IGF2BP2: variants seen among roughly 807,000 people sequenced by gnomAD.
The protein encoded by IGF2BP2 is insulin like growth factor 2 mRNA binding protein 2, also known as insulin-like growth factor 2 mRNA-binding protein 2.
In IGF2BP2, 17 loss-of-function variants were observed where a neutral mutation model predicts 75.8. That is an observed-to-expected ratio of 0.22 (90% CI 0.15 to 0.34). The LOEUF (loss-of-function observed/expected upper bound fraction) is 0.34. IGF2BP2 is among the 10% of genes least tolerant of loss of function. IGF2BP2 has a pLI of 1.00. For synonymous variants in IGF2BP2, 288 were observed against 295.6 expected (o/e 0.97, Z 0.26); for missense variants, 516 against 772.4 (o/e 0.67, Z 3.93).
At position 185,652,112 on chromosome 3, in the gene IGF2BP2, T is replaced by G; in HGVS notation, c.1443A>C (p.Pro481=). The change falls in exon 13 of 16, where the codon CCA becomes CCC. Residue 481 remains proline, a synonymous_variant. Transcript: ENST00000382199. ...VSERMVIITG[P]PEAQFKAQGR... ...CACTAACCTTGAACTGGGCTTCCGGTGGCCCGGTGATGATGACCATCCTTT... is the reference window on the plus strand; with the variant it reads ...CACTAACCTTGAACTGGGCTTCCGGGGGCCCGGTGATGATGACCATCCTTT... 6.2e-7 allele frequency: 1 copy of G among 1,612,816 alleles called. No homozygotes were observed. The highest frequency in any genetic ancestry group is 8.5e-7 in the Non-Finnish European group (1 of 1,179,168).
At chr3:185,810,263 T>G (rs1739622607) in intron 2 of IGF2BP2, among the ~76,000 whole-genome samples, 1 of 152,212 alleles carries the variant, frequency 6.6e-6, no homozygotes, top group Non-Finnish European at 1.5e-5. Flanking sequence ...CTTAGGCAAC[T>G]CGAAGTTTCC....
intron 2 of IGF2BP2, among the ~76,000 whole-genome samples, chr3:185,752,041 CTGTT>C (rs1035952603): frequency 1.6e-4 from 25 of 152,264 alleles, no homozygotes; most frequent in African/African-American, 6.0e-4. Flanking sequence ...TGGGACCATA[CTGTT>C]TATTACTCTT....
chr3:185,700,862 A>C (rs1400813823), intron 2 of IGF2BP2, among the ~76,000 whole-genome samples: 1 of 152,218 alleles, frequency 6.6e-6, no homozygotes, highest in Non-Finnish European at 1.5e-5. Context: ...AGAATATTAT[A>C]CAGCTCTTAA....
chr3:185,744,953 A>G (rs1730052940), intron 2 of IGF2BP2, among the ~76,000 whole-genome samples: 7 of 152,142 alleles, frequency 4.6e-5, no homozygotes. Flanking sequence ...CAACTGTTCG[A>G]TGTTTAGGTT....
At chr3:185,705,168 C>T (rs1259791333) in intron 2 of IGF2BP2, among the ~76,000 whole-genome samples, 1 of 152,262 alleles carries the variant, frequency 6.6e-6, no homozygotes, top group African/African-American at 2.4e-5. Context: ...GCGATCTTGG[C>T]TCACTGCAAC....
At chr3:185,672,870 G>A (rs1309784251) in intron 9 of IGF2BP2, among the ~76,000 whole-genome samples, 1 of 152,006 alleles carries the variant, frequency 6.6e-6, no homozygotes, top group Non-Finnish European at 1.5e-5. Context: ...GCCACACTTG[G>A]GCATGTCTAC....
At chr3:185,784,833 T>A (rs1735652585) in intron 2 of IGF2BP2, among the ~76,000 whole-genome samples, 3 of 152,176 alleles carry the variant, frequency 2.0e-5, no homozygotes, top group Non-Finnish European at 4.4e-5. Flanking sequence ...CCACCTACTA[T>A]GTGCAAGGCA....
At chr3:185,759,259 G>A (rs534767399) in intron 2 of IGF2BP2, among the ~76,000 whole-genome samples, 4 of 152,160 alleles carry the variant, frequency 2.6e-5, no homozygotes, top group African/African-American at 9.6e-5. Flanking sequence ...AAAGAGAAAC[G>A]GAAAAAAAGT....
At chr3:185,789,260 A>G (rs549421393) in intron 2 of IGF2BP2, among the ~76,000 whole-genome samples, 1 of 152,290 alleles carries the variant, frequency 6.6e-6, no homozygotes, top group African/African-American at 2.4e-5. Context: ...TTAACTGTTT[A>G]CAGCAGTTCC....
rs887164827 is a variant in IGF2BP2 at position 185,645,827 on chromosome 3, A to G, written c.1708-204T>C. 6.6e-6 allele frequency among the ~76,000 whole-genome samples: 1 copy of G among 151,818 alleles called. No individual in the cohort carries two copies. Among genetic ancestry groups the G allele is most frequent in the Non-Finnish European group, 1.5e-5 (1 of 67,922 alleles). On this transcript the variant is annotated intron_variant, in intron 15 of 15. Transcript: ENST00000382199. This position sits in a 1 kb window ranked among gnomAD's most constrained non-coding sequence, Gnocchi z 4.9. Reference sequence around the variant, plus strand: ...GAGGTCCCCCCTCCACTCCCACCCCAAGGTCCAGGGTAAGGGGATGGGACT... The same window carrying G: ...GAGGTCCCCCCTCCACTCCCACCCCGAGGTCCAGGGTAAGGGGATGGGACT...
chr3:185,663,280 G>A (rs1212878646), intron 10 of IGF2BP2, among the ~76,000 whole-genome samples: 1 of 152,132 alleles, frequency 6.6e-6, no homozygotes, highest in Non-Finnish European at 1.5e-5. Context: ...TTTTGGCAGT[G>A]GGGAGGGGGA....
At chr3:185,767,594 T>C (rs1429543563) in intron 2 of IGF2BP2, among the ~76,000 whole-genome samples, 1 of 152,194 alleles carries the variant, frequency 6.6e-6, no homozygotes, top group East Asian at 1.9e-4. Flanking sequence ...CTGAACCATT[T>C]TTTAATATGT....
Position 185,687,184 on chromosome 3 carries a change from T to C in IGF2BP2, c.685A>G (p.Ile229Val). 1 of 1,606,528 alleles carries C rather than the reference T, an allele frequency of 6.2e-7. No homozygotes were observed. The highest frequency in any genetic ancestry group is 8.5e-7 in the Non-Finnish European group (1 of 1,178,322). Residue 229 changes from isoleucine (I) to valine (V), a missense_variant, in exon 7 of 16, where the codon ATC becomes GTC. Ile to Val is a conservative substitution (Grantham distance 29, BLOSUM62 3). This residue lies in a region of IGF2BP2 where 312 missense variants were observed against 474.5 expected (regional missense o/e 0.66). Coordinates refer to ENST00000382199, the MANE Select transcript of IGF2BP2 (RefSeq NM_006548.6). ...ITKQTQSRVD[I>V]HRKENSGAAE... ...GCTCCAGAGTTCTCTTTTCTATGGA[T>C]ATCTACCCTGTAGGAAAAGAATCAG...
At chr3:185,652,222 T>C (rs1560227328) in intron 12 of IGF2BP2, 54 bp from the exon 13 acceptor site, 4 of 1,459,964 alleles carry the variant, frequency 2.7e-6, no homozygotes, top group East Asian at 2.3e-5. Context: ...CCCCAGCCCC[T>C]CTTTCTTGTC....
intron 2 of IGF2BP2, among the ~76,000 whole-genome samples, chr3:185,804,992 C>CA (rs35121167): frequency 0.07 from 8,044 of 114,468 alleles, 275 homozygotes; most frequent in South Asian, 0.11. Context: ...GACTCCGTCT[C>CA]AAAAAAAAAA....
At chr3:185,732,677 A>T (rs1316958918) in intron 2 of IGF2BP2, among the ~76,000 whole-genome samples, 3 of 152,234 alleles carry the variant, frequency 2.0e-5, no homozygotes, top group African/African-American at 7.2e-5. Context: ...CCAGGTTGGA[A>T]AGAGAAATTT....
chr3:185,677,068 T>TATATATATATAGAGAGAGAGAG, intron 7 of IGF2BP2, among the ~76,000 whole-genome samples: 64 of 35,836 alleles, frequency 1.8e-3, no homozygotes, highest in Non-Finnish European at 2.3e-3. Context: ...TATATATATA[T>TATATATATATAGAGAGAGAGAG]AGAGAGAGAG....
intron 2 of IGF2BP2, among the ~76,000 whole-genome samples, chr3:185,752,018 G>A (rs767494877): frequency 3.9e-5 from 6 of 152,098 alleles, no homozygotes; most frequent in South Asian, 2.1e-4. Context: ...AGTTGTGTAG[G>A]TATTTATGAA....
At position 185,716,872 on chromosome 3, in the gene IGF2BP2, T is replaced by C. The variant is rs17289925; in HGVS notation, c.240-18525A>G. On this transcript the variant is annotated intron_variant, in intron 2 of 15. Coordinates refer to ENST00000382199, the MANE Select transcript of IGF2BP2 (RefSeq NM_006548.6). ...CTCCGACAGCCCTTACCTGGTGGCT[T>C]GTTCGTGGAATTTATCACATCCTGT... The C allele has an allele frequency of 8.8e-3, 4,255 of 482,768 alleles. 291 individuals carry two copies. The East Asian group carries it at 0.17, about 19-fold the overall frequency. The allele number at this position is 482,768 out of a possible 1,614,324, so 29.9% of individuals were successfully genotyped here.
Sources: allele counts gnomAD v4.1 joint callset (sites outside exome capture counted in the v4.1 genomes callset), GRCh38; gene constraint gnomAD v4.1.1; regional missense constraint gnomAD v4.1.1; non-coding constraint Gnocchi (gnomAD v3.1); transcripts MANE v1.5; gene names NCBI Gene and HGNC (gene_info 2026-07-23, HGNC 2026-07-21).